NCOA7: variants seen among roughly 807,000 people sequenced by gnomAD.
NCOA7 encodes the protein nuclear receptor coactivator 7.
A neutral mutation model predicts 104.3 loss-of-function variants in NCOA7; 45 were observed. That is an observed-to-expected ratio of 0.43 (90% CI 0.34 to 0.55). The LOEUF is 0.55. Ranked by LOEUF, NCOA7 falls within the 20% of genes least tolerant of loss-of-function variation. The pLI, the probability that NCOA7 is intolerant of heterozygous loss-of-function variation, is 0.02. For missense variants in NCOA7, 1,041 were observed against 1,119.7 expected, an observed-to-expected ratio of 0.93 and a Z score of 1.00; for synonymous variants, 398 against 402.3, an observed-to-expected ratio of 0.99 and a Z score of 0.13.
At chr6:125,845,714 C>T (rs918476424) in intron 2 of NCOA7, among the ~76,000 whole-genome samples, 3 of 152,126 alleles carry the variant, frequency 2.0e-5, no homozygotes, top group African/African-American at 7.2e-5. Flanking sequence ...TTGCAGTGAG[C>T]CAAGATCGCG....
Position 125,887,688 on chromosome 6 carries a change from A to G in NCOA7, c.885-1251A>G, listed in dbSNP as rs1468007111. On this transcript the variant is annotated intron_variant, in intron 8 of 15. Coordinates refer to ENST00000392477, the MANE Select transcript of NCOA7 (RefSeq NM_181782.5). Reference sequence around the variant, plus strand: ...GGTACTTTGTTGCTTTATTGTCATAACCATTTATGTCAAAGCCAAAATAGC... The same window carrying G: ...GGTACTTTGTTGCTTTATTGTCATAGCCATTTATGTCAAAGCCAAAATAGC... 1.3e-5 allele frequency among the ~76,000 whole-genome samples: 2 copies of G among 152,196 alleles called. 1 individual carries two copies. The highest frequency in any genetic ancestry group is 4.8e-5 in the African/African-American group (2 of 41,454).
chr6:125,888,942 C>T lies in NCOA7; in HGVS notation c.888C>T (p.Asp296=). 2.5e-6 allele frequency: 4 copies of T among 1,591,944 alleles called. No individual in the cohort carries two copies. Among genetic ancestry groups the T allele is most frequent in the South Asian group, 1.1e-5 (1 of 88,172 alleles). Residue 296 remains aspartate (D), a synonymous_variant, in exon 9 of 16, where the codon GAC becomes GAT. Coordinates refer to ENST00000392477, the MANE Select transcript of NCOA7 (RefSeq NM_181782.5). ...HMKIKDALPS[D]LPQDLCPLYR... ...CCCACCATTTCTCCCCCAACAGTGA[C>T]CTACCTCAGGATCTTTGTCCTCTGT...
chr6:125,867,802 T>G (rs1782560065), intron 3 of NCOA7, among the ~76,000 whole-genome samples: 1 of 152,194 alleles, frequency 6.6e-6, no homozygotes, highest in Admixed American at 6.5e-5. Context: ...TTTAGGCCTT[T>G]CCTGGCACAA....
chr6:125,831,054 G>T (rs1460550338), intron 2 of NCOA7, among the ~76,000 whole-genome samples: 1 of 152,112 alleles, frequency 6.6e-6, no homozygotes, highest in Non-Finnish European at 1.5e-5. Flanking sequence ...TTGATTAAAA[G>T]GCTGAATTGG....
upstream of NCOA7, among the ~76,000 whole-genome samples, chr6:125,787,688 G>T (rs1245155028): frequency 6.6e-6 from 1 of 152,154 alleles, no homozygotes; most frequent in African/African-American, 2.4e-5. Context: ...GGCCCTCACA[G>T]CCATAAAATC....
chr6:125,837,142 A>G (rs544143888), intron 2 of NCOA7, among the ~76,000 whole-genome samples: 264 of 152,332 alleles, frequency 1.7e-3, no homozygotes, highest in African/African-American at 6.0e-3. Context: ...CTAAAAGTCT[A>G]TGTAACATGG....
chr6:125,873,501 C>T (rs1443924758), intron 3 of NCOA7, among the ~76,000 whole-genome samples: 4 of 152,004 alleles, frequency 2.6e-5, no homozygotes, highest in Non-Finnish European at 5.9e-5. Flanking sequence ...GCTTGTTATT[C>T]CTAATTGCTG....
At chr6:125,871,507 A>G (rs1782904210) in intron 3 of NCOA7, among the ~76,000 whole-genome samples, 2 of 152,250 alleles carry the variant, frequency 1.3e-5, no homozygotes, top group South Asian at 4.1e-4. Flanking sequence ...GCCTTGAGCT[A>G]TAATGATATA....
chr6:125,822,364 G>A (rs1373777121), intron 2 of NCOA7, among the ~76,000 whole-genome samples: 2 of 152,134 alleles, frequency 1.3e-5, no homozygotes, highest in Admixed American at 6.5e-5. Context: ...TCTAATACAC[G>A]TTAATAATAA....
intron 1 of NCOA7, among the ~76,000 whole-genome samples, chr6:125,810,960 A>C (rs545345194): frequency 5.5e-4 from 84 of 152,328 alleles, no homozygotes; most frequent in African/African-American, 2.0e-3. Flanking sequence ...TATTTTCATT[A>C]ATATTTTTCT....
intron 2 of NCOA7, among the ~76,000 whole-genome samples, chr6:125,815,990 CATAAT>C (rs1329430008): frequency 1.3e-5 from 2 of 152,144 alleles, no homozygotes; most frequent in Non-Finnish European, 2.9e-5. Context: ...ACTCACTAAA[CATAAT>C]AAAATGAATT....
intron 13 of NCOA7, among the ~76,000 whole-genome samples, chr6:125,926,438 C>T (rs773251540): frequency 4.6e-5 from 7 of 152,032 alleles, no homozygotes; most frequent in African/African-American, 9.7e-5. Flanking sequence ...TTTTCTTCCA[C>T]GTATTTGTCA....
intron 1 of NCOA7, among the ~76,000 whole-genome samples, chr6:125,794,372 A>T (rs1003168085): frequency 6.6e-6 from 1 of 152,262 alleles, no homozygotes; most frequent in African/African-American, 2.4e-5. Flanking sequence ...GGAAATGAAC[A>T]AATTTGCAAC....
At chr6:125,788,011 T>C (rs927325808), upstream of NCOA7, among the ~76,000 whole-genome samples, 5 of 152,224 alleles carry the variant, frequency 3.3e-5, no homozygotes, top group African/African-American at 4.8e-5. Flanking sequence ...AGCTGTAGTC[T>C]GAAGCCAGAG....
chr6:125,803,889 A>C (rs1273950797), intron 1 of NCOA7, among the ~76,000 whole-genome samples: 2 of 152,212 alleles, frequency 1.3e-5, no homozygotes, highest in African/African-American at 4.8e-5. Context: ...TCCACAAAGT[A>C]GCCCCCAACA....
chr6:125,865,092 T>C (rs1434120849), intron 3 of NCOA7, among the ~76,000 whole-genome samples: 2 of 138,256 alleles, frequency 1.4e-5, no homozygotes, highest in Non-Finnish European at 3.1e-5. Flanking sequence ...TTAGGACTTA[T>C]GATCTGCTAC....
intron 2 of NCOA7, among the ~76,000 whole-genome samples, chr6:125,820,948 G>A (rs868407110): frequency 6.6e-5 from 10 of 152,190 alleles, no homozygotes; most frequent in Admixed American, 4.6e-4. Context: ...AAGCCCATGA[G>A]GTGAAAGGGT....
intron 1 of NCOA7, among the ~76,000 whole-genome samples, chr6:125,803,658 C>T (rs1040644268): frequency 8.5e-5 from 13 of 152,220 alleles, no homozygotes; most frequent in African/African-American, 3.1e-4. Context: ...ATCTCATCCA[C>T]AGAAGGCAAA....
At chr6:125,882,260 G>T (rs891504655) in intron 6 of NCOA7, among the ~76,000 whole-genome samples, 166 bp from the exon 7 acceptor site, 1 of 151,894 alleles carries the variant, frequency 6.6e-6, no homozygotes, top group Non-Finnish European at 1.5e-5. Flanking sequence ...TTGGGTATCT[G>T]TTATTACATT....
Sources: gnomAD v4.1 joint callset for allele counts (sites outside exome capture counted in the v4.1 genomes callset) on GRCh38, gnomAD v4.1.1 for gene constraint, MANE v1.5 for transcripts, NCBI Gene and HGNC (gene_info 2026-07-23, HGNC 2026-07-21) for gene names.